The following NCKAP5 variants were observed in gnomAD, a reference collection of about 807,000 sequenced individuals.
NCKAP5 encodes NCK associated protein 5.
Under a neutral mutation model 167.0 loss-of-function variants are expected in NCKAP5, and 92 were observed. The ratio of observed to expected loss-of-function variants is 0.55; its 90% CI spans 0.47 to 0.66. The LOEUF (loss-of-function observed/expected upper bound fraction) is 0.66. NCKAP5 is among the 30% of genes least tolerant of loss of function. The probability of loss-of-function intolerance (pLI) is 0.00; values close to 1 mark genes in which losing one functional copy is unlikely to be tolerated. For synonymous variants in NCKAP5, 891 were observed against 877.4 expected, an observed-to-expected ratio of 1.02 and a Z score of -0.27; for missense variants, 2,378 against 2,315.0, an observed-to-expected ratio of 1.03 and a Z score of -0.56.
intron 19 of NCKAP5, among the ~76,000 whole-genome samples, chr2:132,692,678 T>G (rs1192553589): frequency 2.0e-5 from 3 of 152,228 alleles, no homozygotes; most frequent in African/African-American, 7.2e-5. Flanking sequence ...AATAGTTGTC[T>G]TATTAAAATA....
intron 4 of NCKAP5, among the ~76,000 whole-genome samples, chr2:133,299,699 CA>C (rs1270940213): frequency 6.6e-6 from 1 of 152,110 alleles, no homozygotes; most frequent in Non-Finnish European, 1.5e-5. Flanking sequence ...TGCAGTGAGC[CA>C]AGTTCCTGCC....
At chr2:133,208,892 G>A (rs1432094424) in intron 5 of NCKAP5, among the ~76,000 whole-genome samples, 3 of 152,078 alleles carry the variant, frequency 2.0e-5, no homozygotes, top group African/African-American at 7.2e-5. Context: ...CAACAGAAAC[G>A]TATAAGCAGT....
chr2:132,836,491 C>T (rs1261488360), intron 11 of NCKAP5, among the ~76,000 whole-genome samples: 3 of 150,008 alleles, frequency 2.0e-5, no homozygotes, highest in Non-Finnish European at 4.4e-5. Flanking sequence ...CTGTATGTTT[C>T]CCTCAACTCT....
At chr2:133,382,157 C>T (rs568435512) in intron 3 of NCKAP5, among the ~76,000 whole-genome samples, 1 of 152,298 alleles carries the variant, frequency 6.6e-6, no homozygotes, top group African/African-American at 2.4e-5. Flanking sequence ...ATCCTTGTCT[C>T]CCGCCTCTTC....
chr2:132,693,632 T>G (rs1358682226), intron 19 of NCKAP5, among the ~76,000 whole-genome samples: 2 of 144,452 alleles, frequency 1.4e-5, no homozygotes, highest in East Asian at 4.0e-4. Context: ...TTTTTTTTTT[T>G]TTTTTTTTTT....
chr2:133,469,099 C>G (rs1465174244), intron 3 of NCKAP5, among the ~76,000 whole-genome samples: 1 of 151,684 alleles, frequency 6.6e-6, no homozygotes, highest in African/African-American at 2.4e-5. Flanking sequence ...CAGTTTCTTC[C>G]TAGTCTCGAT....
At chr2:133,568,489 A>T (rs930883770), upstream of NCKAP5, 5 of 152,226 alleles carry the variant, frequency 3.3e-5, no homozygotes, top group African/African-American at 1.2e-4. Context: ...AGCTCCGTGG[A>T]CAAAGTCCCA....
At chr2:133,339,543 G>A (rs1683436906) in intron 3 of NCKAP5, among the ~76,000 whole-genome samples, 1 of 152,156 alleles carries the variant, frequency 6.6e-6, no homozygotes, top group African/African-American at 2.4e-5. Context: ...AACAGAGATG[G>A]AGTAGCCATA....
chr2:133,672,894 C>T, the NCKAP5 span, among the ~76,000 whole-genome samples: 6 of 152,178 alleles, frequency 3.9e-5, no homozygotes, highest in Non-Finnish European at 5.9e-5. Flanking sequence ...TTACTGCCTA[C>T]ACATATTCAT....
intron 11 of NCKAP5, among the ~76,000 whole-genome samples, chr2:132,855,014 A>G (rs1478835868): frequency 6.6e-6 from 1 of 152,134 alleles, no homozygotes; most frequent in East Asian, 1.9e-4. Flanking sequence ...GGTCTTGGGC[A>G]TATTATGAAG....
chr2:132,748,202 G>T (rs747373843), intron 16 of NCKAP5, among the ~76,000 whole-genome samples: 1 of 152,180 alleles, frequency 6.6e-6, no homozygotes, highest in Non-Finnish European at 1.5e-5. Context: ...CCATGTCTAA[G>T]GGAGAGAGAA....
intron 5 of NCKAP5, among the ~76,000 whole-genome samples, chr2:133,182,225 A>G (rs1353058202): frequency 2.0e-5 from 3 of 152,208 alleles, no homozygotes; most frequent in African/African-American, 7.2e-5. Context: ...AGGATACACA[A>G]CAATAGCATT....
At chr2:132,911,636 G>A (rs1694458848) in intron 8 of NCKAP5, among the ~76,000 whole-genome samples, 1 of 152,040 alleles carries the variant, frequency 6.6e-6, no homozygotes, top group Non-Finnish European at 1.5e-5. Context: ...GTTTGTATGT[G>A]TGTATATACA....
chr2:133,567,758 A>G lies in NCKAP5; in HGVS notation c.-130+458T>C, dbSNP rs142586878. On this transcript the variant is annotated intron_variant, in intron 1 of 19. Transcript: ENST00000409261. ...AGACCATAAACATCAACATCCACAC[A>G]CTAGAAATCCATAAACCACAGAAAG... is the stretch of plus-strand genomic sequence containing the variant. Among the ~76,000 whole-genome samples the G allele has an allele frequency of 5.2e-3, 793 of 151,928 alleles. 6 individuals are homozygous for G. The highest frequency in any genetic ancestry group is 0.024 in the Middle Eastern group (7 of 294).
intron 15 of NCKAP5, among the ~76,000 whole-genome samples, chr2:132,778,479 A>G (rs968972197): frequency 6.6e-6 from 1 of 152,136 alleles, no homozygotes; most frequent in African/African-American, 2.4e-5. Flanking sequence ...TATATATTAG[A>G]ATACTAAAAA....
intron 3 of NCKAP5, among the ~76,000 whole-genome samples, chr2:133,516,870 T>G (rs138232910): frequency 2.0e-5 from 3 of 152,214 alleles, no homozygotes; most frequent in African/African-American, 4.8e-5. Flanking sequence ...TGCAGAAGAA[T>G]AGCCAACCAT....
At chr2:133,139,933 C>T (rs184079687) in intron 5 of NCKAP5, among the ~76,000 whole-genome samples, 1 of 152,090 alleles carries the variant, frequency 6.6e-6, no homozygotes, top group African/African-American at 2.4e-5. Context: ...TAGTCAACTG[C>T]CTAATTCAGA....
At chr2:133,319,147 C>T (rs1220246735) in intron 3 of NCKAP5, among the ~76,000 whole-genome samples, 9 of 141,176 alleles carry the variant, frequency 6.4e-5, no homozygotes, top group African/African-American at 2.4e-4. Flanking sequence ...TGAGCCACCC[C>T]TCCCCCCCCG....
At position 133,373,818 on chromosome 2, in the gene NCKAP5, C is replaced by T. The variant is rs567214760; in HGVS notation, c.70-70708G>A. 1.1e-4 allele frequency among the ~76,000 whole-genome samples: 17 copies of T among 152,250 alleles called. No individual in the cohort carries two copies. In the South Asian group the frequency reaches 1.9e-3, roughly 17 times the overall value. ...TGACAAAGAAGCAAAGGAAATACAA[C>T]GGAGAAAAGATAGTCTTTCCAGTAA... On this transcript the variant is annotated intron_variant, in intron 3 of 19. Coordinates refer to ENST00000409261, the MANE Select transcript of NCKAP5 (RefSeq NM_207363.3).
Sources: gnomAD v4.1 joint callset for allele counts (sites outside exome capture counted in the v4.1 genomes callset) on GRCh38, gnomAD v4.1.1 for gene constraint, MANE v1.5 for transcripts, NCBI Gene and HGNC (gene_info 2026-07-23, HGNC 2026-07-21) for gene names.